DNAJC5B: variants seen among roughly 807,000 people sequenced by gnomAD.
DNAJC5B encodes the protein DnaJ heat shock protein family (Hsp40) member C5 beta, also known as dnaJ homolog subfamily C member 5B.
DNAJC5B carries 23 observed loss-of-function variants against 24.7 expected under a neutral mutation model. The ratio of observed to expected loss-of-function variants is 0.93; its 90% CI spans 0.67 to 1.32. The LOEUF is 1.32. DNAJC5B is among the 40% of genes most tolerant of loss of function. The probability of loss-of-function intolerance (pLI) is 0.00; values close to 1 mark genes in which losing one functional copy is unlikely to be tolerated. For synonymous variants in DNAJC5B, 101 were observed against 90.1 expected (o/e 1.12, Z -0.68); for missense variants, 238 against 240.8 (o/e 0.99, Z 0.08).
chr8:66,029,219 T>A (rs563574577), intron 1 of DNAJC5B, among the ~76,000 whole-genome samples: 26 of 152,222 alleles, frequency 1.7e-4, no homozygotes, highest in Non-Finnish European at 3.1e-4. Context: ...GCTGAAGGAG[T>A]GAGCCAGGTG....
At chr8:66,019,108 G>A (rs117832622), upstream of DNAJC5B, among the ~76,000 whole-genome samples, 111 of 152,322 alleles carry the variant, frequency 7.3e-4, 1 homozygote, top group East Asian at 0.012. Context: ...AGAATGTACA[G>A]TATTGAGTAT....
At chr8:66,090,272 TG>T in intron 5 of DNAJC5B, among the ~76,000 whole-genome samples, 1 of 151,758 alleles carries the variant, frequency 6.6e-6, no homozygotes, top group African/African-American at 2.4e-5. Flanking sequence ...TGTGTGTGTG[TG>T]TGTGTGTGGT....
At chr8:66,038,716 C>A (rs969425236) in intron 1 of DNAJC5B, among the ~76,000 whole-genome samples, 7 of 152,092 alleles carry the variant, frequency 4.6e-5, no homozygotes, top group African/African-American at 1.7e-4. Context: ...ACATCTTGGG[C>A]TAATGGGAAC....
At chr8:66,061,608 A>AGTGT (rs1196493152) in intron 3 of DNAJC5B, among the ~76,000 whole-genome samples, 253 of 148,888 alleles carry the variant, frequency 1.7e-3, no homozygotes, top group African/African-American at 6.0e-3. Flanking sequence ...AGAGAGAGAG[A>AGTGT]GAGTGTGTGT....
chr8:66,048,133 C>T (rs1237601141), intron 2 of DNAJC5B, among the ~76,000 whole-genome samples: 1 of 152,200 alleles, frequency 6.6e-6, no homozygotes, highest in African/African-American at 2.4e-5. Flanking sequence ...CCCCCACTAG[C>T]CACCACCCAG....
intron 3 of DNAJC5B, among the ~76,000 whole-genome samples, chr8:66,072,769 A>G (rs1042960621): frequency 6.6e-5 from 10 of 152,230 alleles, no homozygotes; most frequent in Non-Finnish European, 8.8e-5. Context: ...TTTAATGCAC[A>G]TATTAGAAAA....
At chr8:66,029,762 G>C (rs191404294) in intron 1 of DNAJC5B, among the ~76,000 whole-genome samples, 194 of 152,254 alleles carry the variant, frequency 1.3e-3, no homozygotes, top group Non-Finnish European at 2.2e-3. Context: ...CTGGGTTTCT[G>C]GCATGGCCCA....
rs1421434526 is a variant in DNAJC5B, at chr8:66,076,828, C to G, written c.288C>G (p.Asp96Glu). ...LGLYVAEQFG[D>E]ENVNTYFMLS... ...TCTACGTGGCCGAGCAGTTTGGAGA[C>G]GAAAACGTTAACACCTACTTCATGC... The change falls in exon 4 of 6, where the codon GAC becomes GAG. Residue 96 changes from aspartate to glutamate, a missense_variant. Asp to Glu is a conservative substitution (Grantham distance 45). Transcript: ENST00000276570. 43 of 1,613,954 alleles carry G rather than the reference C, an allele frequency of 2.7e-5. No homozygotes were observed. The highest frequency in any genetic ancestry group is 3.6e-5 in the Non-Finnish European group (42 of 1,180,006).
upstream of DNAJC5B, chr8:66,021,492 C>T (rs1806121445): frequency 6.6e-6 from 1 of 152,266 alleles, no homozygotes; most frequent in African/African-American, 2.4e-5. Context: ...GAGGATTCCA[C>T]TCTGTGACAT....
chr8:66,023,685 C>T (rs1455950750), intron 1 of DNAJC5B, among the ~76,000 whole-genome samples: 1 of 152,114 alleles, frequency 6.6e-6, no homozygotes, highest in African/African-American at 2.4e-5. Context: ...AGGTGTGGGG[C>T]TGGCTATTAC....
intron 2 of DNAJC5B, among the ~76,000 whole-genome samples, chr8:66,048,374 C>A (rs769628053): frequency 8.5e-5 from 13 of 152,202 alleles, no homozygotes; most frequent in Admixed American, 3.3e-4. Context: ...CTACTTTCTT[C>A]GTAGGAAAAT....
the DNAJC5B span, among the ~76,000 whole-genome samples, chr8:66,016,412 C>T: frequency 0.47 from 71,347 of 152,032 alleles, 21,532 homozygotes; most frequent in African/African-American, 0.86. Context: ...GGCATTTCCC[C>T]TGCTCCCACT....
intron 2 of DNAJC5B, among the ~76,000 whole-genome samples, chr8:66,046,819 C>A (rs572811638): frequency 6.6e-6 from 1 of 152,378 alleles, no homozygotes; most frequent in African/African-American, 2.4e-5. Flanking sequence ...GCTGAGATGG[C>A]GGCAGCCAGA....
intron 2 of DNAJC5B, among the ~76,000 whole-genome samples, chr8:66,049,342 C>T (rs1017063190): frequency 6.6e-6 from 1 of 152,236 alleles, no homozygotes; most frequent in African/African-American, 2.4e-5. Context: ...TCATTGCTTA[C>T]TCACTGATTC....
intron 5 of DNAJC5B, among the ~76,000 whole-genome samples, chr8:66,089,121 G>A (rs959515822): frequency 3.3e-5 from 5 of 152,172 alleles, no homozygotes; most frequent in African/African-American, 1.2e-4. Context: ...GGCTGGGGAG[G>A]CCTCAGGAAA....
chr8:66,058,315 G>A (rs539635162), intron 3 of DNAJC5B, among the ~76,000 whole-genome samples: 13 of 152,080 alleles, frequency 8.5e-5, no homozygotes, highest in African/African-American at 1.2e-4. Flanking sequence ...TTTGCTTCTC[G>A]GAGAGGGAAA....
intron 5 of DNAJC5B, among the ~76,000 whole-genome samples, chr8:66,086,132 T>C (rs1807719379): frequency 6.6e-6 from 1 of 152,238 alleles, no homozygotes; most frequent in Non-Finnish European, 1.5e-5. Flanking sequence ...ATATTGCCTT[T>C]GTATCCCATG....
intron 4 of DNAJC5B, among the ~76,000 whole-genome samples, chr8:66,078,632 G>T (rs1262379896): frequency 6.6e-6 from 1 of 152,168 alleles, no homozygotes; most frequent in Non-Finnish European, 1.5e-5. Flanking sequence ...AGTTTCTTGG[G>T]GCAATGGCTC....
chr8:66,082,037 G>A (rs1807606957), intron 5 of DNAJC5B, among the ~76,000 whole-genome samples: 1 of 152,084 alleles, frequency 6.6e-6, no homozygotes, highest in Admixed American at 6.5e-5. Flanking sequence ...CCGTGACATT[G>A]ACACAACTTG....
Sources: gnomAD v4.1 joint callset for allele counts (sites outside exome capture counted in the v4.1 genomes callset) on GRCh38, gnomAD v4.1.1 for gene constraint, MANE v1.5 for transcripts, NCBI Gene and HGNC (gene_info 2026-07-23, HGNC 2026-07-21) for gene names.